The following ATP9B variants were observed in gnomAD, a reference collection of about 807,000 sequenced individuals.
ATP9B encodes probable phospholipid-transporting ATPase IIB.
A neutral mutation model predicts 146.1 loss-of-function variants in ATP9B; 110 were observed. The ratio of observed to expected loss-of-function variants is 0.75; its 90% CI spans 0.65 to 0.88. The LOEUF is 0.88. ATP9B is among the 40% of genes least tolerant of loss of function. ATP9B has a pLI of 0.00. For missense variants in ATP9B, 1,499 were observed against 1,496.4 expected (o/e 1.00, Z -0.03); for synonymous variants, 604 against 569.7 (o/e 1.06, Z -0.86).
intron 6 of ATP9B, among the ~76,000 whole-genome samples, chr18:79,152,650 TTC>T (rs1217103097): frequency 6.6e-6 from 1 of 152,184 alleles, no homozygotes; most frequent in African/African-American, 2.4e-5. Flanking sequence ...AACTTTTTTT[TTC>T]TCTTTTAGGC....
intron 20 of ATP9B, 116 bp downstream of exon 20, chr18:79,342,482 C>G: frequency 1.5e-6 from 1 of 680,456 alleles, no homozygotes; most frequent in African/African-American, 1.8e-5. Flanking sequence ...TTAAAAAGAA[C>G]TACTGTAATT....
rs1456000964 is a variant in ATP9B at position 79,145,552 on chromosome 18, A to G, written c.726+1692A>G. 177 of 65,198 alleles carry G rather than the reference A, an allele frequency of 2.7e-3. 2 individuals are homozygous for G. The highest frequency in any genetic ancestry group is 6.9e-3 in the Middle Eastern group (1 of 144). 4.0% of individuals were successfully genotyped at this position (65,198 alleles called of 1,614,324 possible). On this transcript the variant is annotated intron_variant, in intron 6 of 29. Coordinates refer to ENST00000426216, the MANE Select transcript of ATP9B (RefSeq NM_198531.5). ...TGACTGAAGGTGCAAGCTGCATGTC[A>G]GGGGAGCTGCCGGTGTGGAGAGTGA... is the stretch of plus-strand genomic sequence containing the variant.
intron 4 of ATP9B, among the ~76,000 whole-genome samples, chr18:79,118,462 G>A (rs1485731719): frequency 1.1e-4 from 15 of 138,986 alleles, no homozygotes; most frequent in Admixed American, 3.8e-4. Context: ...GTGCAGTGGC[G>A]CGATCTCGGC....
intron 11 of ATP9B, among the ~76,000 whole-genome samples, chr18:79,224,886 G>A (rs764744195): frequency 2.6e-5 from 4 of 151,508 alleles, no homozygotes; most frequent in Non-Finnish European, 5.9e-5. Flanking sequence ...CAGTGGAGAA[G>A]GAAGCCCAGG....
chr18:79,321,568 C>T (rs977986816), intron 15 of ATP9B, among the ~76,000 whole-genome samples: 1 of 151,950 alleles, frequency 6.6e-6, no homozygotes, highest in African/African-American at 2.4e-5. Flanking sequence ...TTTATATTAT[C>T]GAAATTCTGT....
intron 11 of ATP9B, among the ~76,000 whole-genome samples, chr18:79,220,610 A>G (rs369760960): frequency 6.6e-6 from 1 of 152,194 alleles, no homozygotes; most frequent in East Asian, 1.9e-4. Context: ...CATTAAGAAA[A>G]AATAGATTAA....
rs141915978 is a variant in ATP9B at position 79,313,115 on chromosome 18, T to G, written c.1773+5881T>G. Among the ~76,000 whole-genome samples the G allele has an allele frequency of 2.6e-3, 390 of 152,342 alleles. 2 individuals carry two copies. The highest frequency in any genetic ancestry group is 9.0e-3 in the African/African-American group (375 of 41,584). ...CCCTGTTACAGTTCATAGATTGTGT[T>G]GACTGATAGATACGTAAAAATCTCT... On this transcript the variant is annotated intron_variant, in intron 15 of 29. Coordinates refer to ENST00000426216, the MANE Select transcript of ATP9B (RefSeq NM_198531.5).
chr18:79,263,961 T>C (rs536236614), intron 12 of ATP9B, among the ~76,000 whole-genome samples: 1 of 152,242 alleles, frequency 6.6e-6, no homozygotes, highest in East Asian at 1.9e-4. Flanking sequence ...AGCGGGTGCC[T>C]GTAGTCCCAG....
At chr18:79,114,103 T>A (rs992109570) in intron 4 of ATP9B, among the ~76,000 whole-genome samples, 10 of 152,122 alleles carry the variant, frequency 6.6e-5, no homozygotes, top group Non-Finnish European at 1.3e-4. Flanking sequence ...CCTGAGTAGC[T>A]AGGATTACAG....
At chr18:79,294,183 T>A (rs1233537172) in intron 13 of ATP9B, among the ~76,000 whole-genome samples, 4 of 152,232 alleles carry the variant, frequency 2.6e-5, no homozygotes, top group Non-Finnish European at 2.9e-5. Flanking sequence ...TTGGAAAACA[T>A]CTGTTGTCCA....
chr18:79,132,856 T>C (rs1401109457), intron 5 of ATP9B, among the ~76,000 whole-genome samples: 1 of 152,232 alleles, frequency 6.6e-6, no homozygotes, highest in Non-Finnish European at 1.5e-5. Flanking sequence ...TGTTACTTTT[T>C]TCTTTTGAAA....
intron 11 of ATP9B, among the ~76,000 whole-genome samples, chr18:79,227,980 A>G (rs55755121): frequency 0.064 from 9,699 of 152,330 alleles, 623 homozygotes; most frequent in African/African-American, 0.16. Context: ...TTCACTTTGT[A>G]TACATTAGCC....
intron 6 of ATP9B, chr18:79,144,939 G>A: frequency 4.7e-6 from 1 of 213,430 alleles, no homozygotes. Context: ...AGTGTACGAA[G>A]AAGCTATAAG....
intron 9 of ATP9B, among the ~76,000 whole-genome samples, chr18:79,196,478 TAGA>T (rs1302729738): frequency 6.6e-6 from 1 of 152,000 alleles, no homozygotes; most frequent in Non-Finnish European, 1.5e-5. Flanking sequence ...GAGGAGAAAA[TAGA>T]AGGAGCTCAT....
chr18:79,326,967 A>G (rs1472896323), intron 15 of ATP9B, among the ~76,000 whole-genome samples: 1 of 152,160 alleles, frequency 6.6e-6, no homozygotes, highest in Admixed American at 6.5e-5. Context: ...GCCATTCTGT[A>G]GACAAGGACC....
At chr18:79,327,576 TGCTCTCCGTGGTTAAC>T in intron 15 of ATP9B, among the ~76,000 whole-genome samples, 11 of 139,040 alleles carry the variant, frequency 7.9e-5, no homozygotes, top group Admixed American at 2.1e-4. Context: ...GTGGTTAGCG[TGCTCTCCGTGGTTAAC>T]GTGCCCTCCG....
At chr18:79,348,734 G>C (rs1289097111) in intron 25 of ATP9B, among the ~76,000 whole-genome samples, 2 of 152,258 alleles carry the variant, frequency 1.3e-5, no homozygotes, top group African/African-American at 4.8e-5. Context: ...CCAGCACTTT[G>C]GGAGGCTGAA....
chr18:79,198,735 A>T (rs1016862388), intron 9 of ATP9B, among the ~76,000 whole-genome samples: 2 of 152,180 alleles, frequency 1.3e-5, no homozygotes, highest in African/African-American at 4.8e-5. Flanking sequence ...TGTATAAAAG[A>T]TTAAGAAATG....
At chr18:79,122,103 G>A (rs2147137701) in intron 4 of ATP9B, among the ~76,000 whole-genome samples, 2 of 152,232 alleles carry the variant, frequency 1.3e-5, no homozygotes, top group South Asian at 4.1e-4. Context: ...ATTTCAGGTA[G>A]GGTCTGAGCA....
Sources: allele counts gnomAD v4.1 joint callset (sites outside exome capture counted in the v4.1 genomes callset), GRCh38; gene constraint gnomAD v4.1.1; transcripts MANE v1.5; gene names NCBI Gene and HGNC (gene_info 2026-07-23, HGNC 2026-07-21).